The following AKAP19 variants were observed in gnomAD, a reference collection of about 807,000 sequenced individuals.
AKAP19 encodes the protein small A-kinase anchoring protein.
At chr2:190,088,431 A>C in the AKAP19 span, among the ~76,000 whole-genome samples, 4 of 152,186 alleles carry the variant, frequency 2.6e-5, no homozygotes, top group Non-Finnish European at 4.4e-5. Flanking sequence ...CCCTTTGCTT[A>C]GTACATTATC....
At chr2:189,967,164 T>C in the AKAP19 span, among the ~76,000 whole-genome samples, 1 of 152,174 alleles carries the variant, frequency 6.6e-6, no homozygotes, top group Admixed American at 6.5e-5. Context: ...TTCCTCCTCC[T>C]ATAAACCAAA....
At chr2:189,924,151 G>A in the AKAP19 span, 2 of 1,611,610 alleles carry the variant, frequency 1.2e-6, no homozygotes, top group Non-Finnish European at 1.7e-6. Context: ...GATCAAGGAT[G>A]ATGAAAAAGA....
the AKAP19 span, among the ~76,000 whole-genome samples, chr2:190,033,409 A>G: frequency 6.6e-6 from 1 of 152,168 alleles, no homozygotes; most frequent in Non-Finnish European, 1.5e-5. Context: ...AAAAATAATG[A>G]TGGTATGAAA....
chr2:189,918,875 T>C, the AKAP19 span, among the ~76,000 whole-genome samples: 12 of 152,156 alleles, frequency 7.9e-5, no homozygotes, highest in African/African-American at 1.4e-4. Context: ...CTGAAAAATA[T>C]TATGTTAAGT....
the AKAP19 span, chr2:190,079,457 A>C: frequency 6.6e-6 from 1 of 152,208 alleles, no homozygotes; most frequent in Non-Finnish European, 1.5e-5. Context: ...CTTCATATAC[A>C]TTATGTCATT....
chr2:189,941,238 A>G, the AKAP19 span, among the ~76,000 whole-genome samples: 3 of 152,186 alleles, frequency 2.0e-5, no homozygotes, highest in African/African-American at 4.8e-5. Flanking sequence ...GCTAACTTCA[A>G]TCTTAAAAAA....
At chr2:189,998,963 G>C in the AKAP19 span, among the ~76,000 whole-genome samples, 10 of 150,942 alleles carry the variant, frequency 6.6e-5, no homozygotes, top group Admixed American at 4.0e-4. Flanking sequence ...GTAGAGACAG[G>C]GTTTTACCAT....
the AKAP19 span, among the ~76,000 whole-genome samples, chr2:190,164,672 T>C: frequency 6.6e-6 from 1 of 152,228 alleles, no homozygotes; most frequent in Non-Finnish European, 1.5e-5. Context: ...TTAAGAATTA[T>C]TTTATTTAGT....
the AKAP19 span, among the ~76,000 whole-genome samples, chr2:189,897,698 T>A: frequency 6.6e-6 from 1 of 152,164 alleles, no homozygotes; most frequent in Non-Finnish European, 1.5e-5. Flanking sequence ...CAGTGTAATA[T>A]CTACTTAGGT....
chr2:189,937,566 G>GA, the AKAP19 span, among the ~76,000 whole-genome samples: 3 of 151,914 alleles, frequency 2.0e-5, no homozygotes, highest in South Asian at 2.1e-4. Flanking sequence ...AACTCTATAG[G>GA]AAAAAAATCT....
chr2:190,089,389 T>C, the AKAP19 span, among the ~76,000 whole-genome samples: 1 of 152,066 alleles, frequency 6.6e-6, no homozygotes, highest in Non-Finnish European at 1.5e-5. Context: ...TGAGTAAGTA[T>C]ATTTCTTTAA....
chr2:189,942,215 T>G, the AKAP19 span, among the ~76,000 whole-genome samples: 1 of 152,148 alleles, frequency 6.6e-6, no homozygotes, highest in Non-Finnish European at 1.5e-5. Flanking sequence ...ACTGTTTTCA[T>G]GCTAGTGAGT....
the AKAP19 span, among the ~76,000 whole-genome samples, chr2:189,987,430 GGA>G: frequency 6.6e-6 from 1 of 152,120 alleles, no homozygotes; most frequent in Non-Finnish European, 1.5e-5. Context: ...AGGTTTTTGG[GGA>G]ATTACACTGC....
At chr2:189,896,869 A>G in the AKAP19 span, among the ~76,000 whole-genome samples, 6 of 152,100 alleles carry the variant, frequency 3.9e-5, no homozygotes, top group Admixed American at 3.3e-4. Context: ...ATGATATGTC[A>G]GTGAAATATA....
the AKAP19 span, chr2:190,199,735 G>GATTACTGAAGT: frequency 2.7e-6 from 4 of 1,496,602 alleles, no homozygotes; most frequent in Non-Finnish European, 3.5e-6. Context: ...AGGGAACATT[G>GATTACTGAAGT]ATTACTGAAG....
the AKAP19 span, chr2:190,060,045 T>G: frequency 3.1e-6 from 5 of 1,608,576 alleles, no homozygotes; most frequent in African/African-American, 5.3e-5. Context: ...ATAATGTTAT[T>G]TTCAGTTATC....
At chr2:190,042,577 C>T in the AKAP19 span, among the ~76,000 whole-genome samples, 1 of 151,944 alleles carries the variant, frequency 6.6e-6, no homozygotes, top group Non-Finnish European at 1.5e-5. Context: ...TTTGTTCCTG[C>T]TTCTCTAATT....
the AKAP19 span, among the ~76,000 whole-genome samples, chr2:189,973,077 G>A: frequency 2.6e-5 from 4 of 152,186 alleles, no homozygotes; most frequent in African/African-American, 9.7e-5. Flanking sequence ...CAAAGGGAAT[G>A]CTTCCAGTTT....
At chr2:190,189,614 T>C in the AKAP19 span, 1 of 152,188 alleles carries the variant, frequency 6.6e-6, no homozygotes, top group African/African-American at 2.4e-5. Context: ...AATTAAAGTG[T>C]GGTGGGGATG....
Sources: gnomAD v4.1 joint callset for allele counts (sites outside exome capture counted in the v4.1 genomes callset) on GRCh38, gnomAD v4.1.1 for gene constraint, MANE v1.5 for transcripts, NCBI Gene and HGNC (gene_info 2026-07-23, HGNC 2026-07-21) for gene names.